ADCY7: variants seen among roughly 807,000 people sequenced by gnomAD.
ADCY7 encodes the protein adenylate cyclase type 7.
In ADCY7, 72 loss-of-function variants were observed where a neutral mutation model predicts 120.6. That is an observed-to-expected ratio of 0.60 (90% CI 0.49 to 0.73). The LOEUF (loss-of-function observed/expected upper bound fraction) is 0.73, where lower values mean the gene tolerates loss of function less well. Ranked by LOEUF, ADCY7 falls within the 30% of genes least tolerant of loss-of-function variation. The pLI is 0.00. For missense variants in ADCY7, 1,227 were observed against 1,486.0 expected, an observed-to-expected ratio of 0.83 and a Z score of 2.87; for synonymous variants, 661 against 628.0, an observed-to-expected ratio of 1.05 and a Z score of -0.78.
intron 1 of ADCY7, among the ~76,000 whole-genome samples, chr16:50,255,402 GAAAA>G (rs60335173): frequency 2.8e-5 from 3 of 108,140 alleles, no homozygotes; most frequent in East Asian, 2.8e-4. Flanking sequence ...TCTGTTTCTG[GAAAA>G]AAAAAAAAAA....
At position 50,314,334 on chromosome 16, in the gene ADCY7, T is replaced by G. The variant is rs771785994; in HGVS notation, c.2899T>G (p.Phe967Val). 6.2e-7 allele frequency: 1 copy of G among 1,613,784 alleles called. No homozygotes were observed. The highest frequency in any genetic ancestry group is 8.5e-7 in the Non-Finnish European group (1 of 1,179,930). ...TGCCCACATTGGTGTCATGGTGGAG[T>G]TCAGCATCGCCCTGATGAGTAAGCT... Reference protein sequence around the residue: ...QHAHIGVMVEFSIALMSKLDG... With the variant: ...QHAHIGVMVEVSIALMSKLDG... Residue 967 changes from phenylalanine (F) to valine (V), a missense_variant, in exon 24 of 26, where the codon TTC (phenylalanine) becomes GTC (valine). By Grantham distance (50) the Phe-to-Val change is conservative (BLOSUM62 -1). Transcript: ENST00000673801.
intron 8 of ADCY7, among the ~76,000 whole-genome samples, chr16:50,299,763 G>A (rs555034493): frequency 6.6e-6 from 1 of 152,334 alleles, no homozygotes; most frequent in South Asian, 2.1e-4. Context: ...TGTAACAGGC[G>A]GAGGTTGTAC....
rs1324755448 is a variant in ADCY7, at chr16:50,297,334, G to A, written c.949-1570G>A. 6.6e-6 allele frequency among the ~76,000 whole-genome samples: 1 copy of A among 152,222 alleles called. No homozygotes were observed. The highest frequency in any genetic ancestry group is 1.5e-5 in the Non-Finnish European group (1 of 68,036). ...CCAACTCCAAGTGTCAGAGACACAGGGGACTGTCAGCCGGTGGAGCAGCCG... is the reference window on the plus strand; with the variant it reads ...CCAACTCCAAGTGTCAGAGACACAGAGGACTGTCAGCCGGTGGAGCAGCCG... On this transcript the variant is annotated intron_variant, in intron 7 of 25. Transcript: ENST00000673801. The surrounding 1 kb of genome is among the most constrained non-coding windows in gnomAD (Gnocchi z 4.4).
chr16:50,293,562 C>T (rs2035141703), intron 6 of ADCY7, 60 bp downstream of exon 6: 1 of 1,572,222 alleles, frequency 6.4e-7, no homozygotes, highest in Non-Finnish European at 8.7e-7. Flanking sequence ...TTCCACCGGC[C>T]CCCAGGCGGC....
intron 2 of ADCY7, among the ~76,000 whole-genome samples, chr16:50,288,680 G>A (rs754726639): frequency 2.3e-4 from 35 of 151,966 alleles, no homozygotes; most frequent in Non-Finnish European, 4.4e-4. Context: ...CTTTCACCAT[G>A]TTGGCCAGGC....
chr16:50,300,559 T>A (rs1012707603), intron 8 of ADCY7, among the ~76,000 whole-genome samples, 156 bp from the exon 9 acceptor site: 1 of 152,166 alleles, frequency 6.6e-6, no homozygotes, highest in Non-Finnish European at 1.5e-5. Context: ...CAGCTCTTCC[T>A]GAAGAGGCAG....
chr16:50,246,572 G>A (rs2032594189), intron 1 of ADCY7, among the ~76,000 whole-genome samples: 1 of 152,180 alleles, frequency 6.6e-6, no homozygotes, highest in Non-Finnish European at 1.5e-5. Flanking sequence ...GAAGGGGGCT[G>A]GCTCGGGGCG....
chr16:50,260,662 C>T (rs1025212387), intron 1 of ADCY7, among the ~76,000 whole-genome samples: 1 of 152,232 alleles, frequency 6.6e-6, no homozygotes, highest in African/African-American at 2.4e-5. Context: ...TGTCAAGCTG[C>T]AGTCATCTGA....
Position 50,292,770 on chromosome 16 carries a change from A to G in ADCY7, c.632A>G (p.Tyr211Cys). The change falls in exon 5 of 26, where the codon TAC (tyrosine) becomes TGC (cysteine). Residue 211 changes from tyrosine (Y) to cysteine (C), a missense_variant. Physicochemically the swap from Tyr to Cys is radical, Grantham distance 194 (BLOSUM62 -2). This residue lies in a region of ADCY7 where 382 missense variants were observed against 411.4 expected (regional missense o/e 0.93). Transcript: ENST00000673801. ...GATGCATCCCGGGACCTCTTCACCT[A>G]CACTGTGAAGTGCATCCAGATCCGC... The part of the protein sequence containing the change: ...MQDASRDLFT[Y>C]TVKCIQIRRK... The G allele has an allele frequency of 1.2e-6, 2 of 1,613,868 alleles. No individual in the cohort carries two copies. The highest frequency in any genetic ancestry group is 1.3e-5 in the African/African-American group (1 of 75,016).
chr16:50,269,164 T>C (rs934408557), intron 1 of ADCY7, among the ~76,000 whole-genome samples: 2 of 152,196 alleles, frequency 1.3e-5, no homozygotes, highest in African/African-American at 4.8e-5. Flanking sequence ...CACCGCTCCA[T>C]ATGGTAGGTG....
chr16:50,287,299 G>C (rs1368460989), intron 1 of ADCY7, among the ~76,000 whole-genome samples: 1 of 151,834 alleles, frequency 6.6e-6, no homozygotes, highest in Admixed American at 6.6e-5. Context: ...ACAGGCATGA[G>C]CCACCATGCC....
rs199627827 is a variant in ADCY7, at chr16:50,308,430, C to G, written c.1935+19C>G. ...GTTCTCGGTAAGTGGGGAGCTCTGG[C>G]CCCGCGGGCCCTCCCTCCCTGCCTC... On this transcript the variant is annotated intron_variant, in intron 16 of 25. Transcript: ENST00000673801. The G allele has an allele frequency of 4.2e-4, 685 of 1,613,822 alleles. 2 individuals carry two copies. The African/African-American group carries it at 8.3e-3, about 19-fold the overall frequency.
intron 1 of ADCY7, among the ~76,000 whole-genome samples, chr16:50,250,193 C>T (rs966462419): frequency 2.0e-5 from 3 of 152,188 alleles, no homozygotes; most frequent in African/African-American, 7.2e-5. Flanking sequence ...GGGTGGCTCA[C>T]GCCTGTAATT....
intron 7 of ADCY7, among the ~76,000 whole-genome samples, chr16:50,295,345 A>ATATT (rs2035276794): frequency 1.2e-5 from 1 of 82,738 alleles, no homozygotes; most frequent in Non-Finnish European, 2.3e-5. Flanking sequence ...CGCCTGGCTA[A>ATATT]TTTTTTTTTT....
rs1265762805 is a variant in ADCY7, at chr16:50,269,557, T to C, written c.-269+2877T>C. On this transcript the variant is annotated intron_variant, in intron 1 of 25. Coordinates refer to ENST00000673801, the MANE Select transcript of ADCY7 (RefSeq NM_001114.5). ...GCTGTCTCACGTGCTTTCCTGGATGTGTGGTTGGGTCATGCCTTAGCCAGG... is the reference window on the plus strand; with the variant it reads ...GCTGTCTCACGTGCTTTCCTGGATGCGTGGTTGGGTCATGCCTTAGCCAGG... 2.0e-5 allele frequency among the ~76,000 whole-genome samples: 3 copies of C among 152,292 alleles called. No homozygotes were observed. The East Asian group carries it at 5.8e-4, about 29-fold the overall frequency.
chr16:50,304,844 G>T, intron 11 of ADCY7, 81 bp from the exon 12 acceptor site: 1 of 1,575,532 alleles, frequency 6.3e-7, no homozygotes, highest in Non-Finnish European at 8.7e-7. Context: ...AGTGCCGGAG[G>T]GGCTGAACCT....
chr16:50,309,330 G>C (rs2151074332), intron 17 of ADCY7: 1 of 521,364 alleles, frequency 1.9e-6, no homozygotes, highest in Non-Finnish European at 3.4e-6. Flanking sequence ...TGCCGCTCTG[G>C]GGGTGTCTGC....
upstream of ADCY7, among the ~76,000 whole-genome samples, chr16:50,262,204 C>G (rs1395369048): frequency 2.0e-5 from 3 of 152,164 alleles, no homozygotes; most frequent in East Asian, 5.8e-4. Context: ...AGTCCTTCTC[C>G]CCTAAACTCT....
At chr16:50,289,708 C>G (rs1335913265) in intron 2 of ADCY7, among the ~76,000 whole-genome samples, 1 of 152,218 alleles carries the variant, frequency 6.6e-6, no homozygotes, top group Non-Finnish European at 1.5e-5. Flanking sequence ...TCAGCTGATC[C>G]ACCTGCCTCG....
Sources: allele counts gnomAD v4.1 joint callset (sites outside exome capture counted in the v4.1 genomes callset), GRCh38; gene constraint gnomAD v4.1.1; regional missense constraint gnomAD v4.1.1; non-coding constraint Gnocchi (gnomAD v3.1); transcripts MANE v1.5; gene names NCBI Gene and HGNC (gene_info 2026-07-23, HGNC 2026-07-21).